The following ZNF141 variants were observed in gnomAD, a reference collection of about 807,000 sequenced individuals.
The protein encoded by ZNF141 is zinc finger protein 141 (clone pHZ-44).
A neutral mutation model predicts 11.3 loss-of-function variants in ZNF141; 7 were observed. That is an observed-to-expected ratio of 0.62 (90% CI 0.35 to 1.16). The LOEUF (loss-of-function observed/expected upper bound fraction) is 1.16, where lower values mean the gene tolerates loss of function less well. Among genes scored for constraint, ZNF141 ranks in the 50% most tolerant of loss-of-function variants. The pLI is 0.02. For missense variants in ZNF141, 535 were observed against 554.0 expected (o/e 0.97, Z 0.34); for synonymous variants, 183 against 190.7 (o/e 0.96, Z 0.33).
In ZNF141 at chr4:382,323, T is replaced by G. The variant is rs1712663589; in HGVS notation, c.*8461T>G. The stretch of plus-strand genomic sequence containing the variant: ...CCTAAATGTGGGGTCTTAGAAAACA[T>G]CTTGTCCCTTCGAAGCATACTCTGC... On this transcript the variant is annotated 3_prime_UTR_variant, in exon 4 of 4. Coordinates refer to ENST00000240499, the MANE Select transcript of ZNF141 (RefSeq NM_003441.4). 6.6e-6 allele frequency among the ~76,000 whole-genome samples: 1 copy of G among 152,108 alleles called. No individual in the cohort carries two copies. The highest frequency in any genetic ancestry group is 6.5e-5 in the Admixed American group (1 of 15,268).
Position 369,764 on chromosome 4 carries a change from A to ATTTTTTTT in ZNF141, c.227-2887_227-2880dup, listed in dbSNP as rs34509477. On this transcript the variant is annotated intron_variant, in intron 3 of 3. Transcript: ENST00000240499. ...TATATATATATATATATATATATAT[A>ATTTTTTTT]TTTTTTTTTTTTTTTTTTTTGAGAG... 9.0e-4 allele frequency among the ~76,000 whole-genome samples: 44 copies of ATTTTTTTT among 48,720 alleles called. 5 individuals carry two copies. Among genetic ancestry groups the ATTTTTTTT allele is most frequent in the African/African-American group, 7.5e-3 (44 of 5,878 alleles). 32.0% of individuals were successfully genotyped at this position (48,720 alleles called of 152,430 possible). A position where few individuals can be genotyped will look rare whatever the true frequency, so the allele number is the denominator to read the frequency against.
intron 3 of ZNF141, among the ~76,000 whole-genome samples, chr4:345,518 C>T (rs1371531808): frequency 6.6e-6 from 1 of 151,980 alleles, no homozygotes; most frequent in African/African-American, 2.4e-5. Flanking sequence ...CATCTGAGAT[C>T]GGGAGTACAA....
rs1340046751 is a variant in ZNF141, at chr4:375,857, AAG to A, written c.*1998_*1999del. Among the ~76,000 whole-genome samples, 1 of 150,318 alleles carries A rather than the reference AAG, an allele frequency of 6.7e-6. No homozygotes were observed. The highest frequency in any genetic ancestry group is 1.5e-5 in the Non-Finnish European group (1 of 67,906). ...GCATTATTTGTGAATTTTTACAAGA[AAG>A]AGTGAGGACAGAAATGAAAGATCCA... is the stretch of plus-strand genomic sequence containing the variant. On this transcript the variant is annotated 3_prime_UTR_variant, in exon 4 of 4. Coordinates refer to ENST00000240499, the MANE Select transcript of ZNF141 (RefSeq NM_003441.4).
chr4:342,548 T>G (rs1721099301), intron 1 of ZNF141, among the ~76,000 whole-genome samples: 1 of 152,202 alleles, frequency 6.6e-6, no homozygotes, highest in African/African-American at 2.4e-5. Flanking sequence ...TGGACCCTTT[T>G]CAAACCTGCA....
intron 3 of ZNF141, among the ~76,000 whole-genome samples, chr4:357,170 G>A (rs1329282549): frequency 2.0e-5 from 3 of 152,086 alleles, no homozygotes; most frequent in Non-Finnish European, 4.4e-5. Context: ...TGTTGCTCAG[G>A]CTGGTCTTGA....
chr4:338,178 T>TCCTTGTGCAGCTCTGCGCCCGCAGCCCC (rs1553847875), intron 1 of ZNF141, 192 bp downstream of exon 1: 20 of 623,062 alleles, frequency 3.2e-5, no homozygotes, highest in Non-Finnish European at 4.5e-5. Context: ...CCTGCAGCCC[T>TCCTTGTGCAGCTCTGCGCCCGCAGCCCC]CCTTGTGCAG....
In ZNF141 at chr4:373,882, A is replaced by C. The variant is rs781993611; in HGVS notation, c.*20A>C. On this transcript the variant is annotated 3_prime_UTR_variant, in exon 4 of 4. Coordinates refer to ENST00000240499, the MANE Select transcript of ZNF141 (RefSeq NM_003441.4). ...ACTTGAGAGAAATCCTACAAATGTA[A>C]AGAATGTGGCAAACCTTTGGATGAT... 6.1e-5 allele frequency: 97 copies of C among 1,579,912 alleles called. No homozygotes were observed. The highest frequency in any genetic ancestry group is 8.3e-5 in the Non-Finnish European group (96 of 1,159,302).
intron 3 of ZNF141, among the ~76,000 whole-genome samples, chr4:356,711 T>C (rs1721856715): frequency 6.6e-6 from 1 of 152,322 alleles, no homozygotes; most frequent in South Asian, 2.1e-4. Context: ...CATAGCTAAA[T>C]CTTTCTATAT....
At position 375,508 on chromosome 4, in the gene ZNF141, A is replaced by C. The variant is rs1251107424; in HGVS notation, c.*1646A>C. ...TTTAGTCTAAAAAGAAGAGTATGTA[A>C]ACATCAGAGGATTTACAGTAGAAAG... On this transcript the variant is annotated 3_prime_UTR_variant, in exon 4 of 4. Transcript: ENST00000240499. Among the ~76,000 whole-genome samples the C allele has an allele frequency of 6.6e-6, 1 of 152,122 alleles. No homozygotes were observed. Among genetic ancestry groups the C allele is most frequent in the Non-Finnish European group, 1.5e-5 (1 of 67,936 alleles).
At chr4:359,974 C>A (rs1218303541) in intron 3 of ZNF141, among the ~76,000 whole-genome samples, 1 of 152,166 alleles carries the variant, frequency 6.6e-6, no homozygotes, top group Non-Finnish European at 1.5e-5. Context: ...ATGAATCCTC[C>A]TAAGTGTCTT....
At chr4:365,156 T>C (rs782330711) in intron 3 of ZNF141, among the ~76,000 whole-genome samples, 1 of 152,156 alleles carries the variant, frequency 6.6e-6, no homozygotes, top group Non-Finnish European at 1.5e-5. Context: ...GGATATAATC[T>C]CCTGGTGTGC....
Position 380,083 on chromosome 4 carries a change from C to T in ZNF141, c.*6221C>T, listed in dbSNP as rs1010876759. On this transcript the variant is annotated 3_prime_UTR_variant, in exon 4 of 4. Transcript: ENST00000240499. Reference sequence around the variant, plus strand: ...TTGTAAATACCCAAGCATCTGGTAACCAGCATTCTACTCTCTGGCTTATTT... The same window carrying T: ...TTGTAAATACCCAAGCATCTGGTAATCAGCATTCTACTCTCTGGCTTATTT... 3.3e-5 allele frequency among the ~76,000 whole-genome samples: 5 copies of T among 152,224 alleles called. No homozygotes were observed. Among genetic ancestry groups the T allele is most frequent in the African/African-American group, 1.2e-4 (5 of 41,452 alleles).
intron 3 of ZNF141, among the ~76,000 whole-genome samples, chr4:354,307 T>C (rs114067128): frequency 6.6e-6 from 1 of 152,240 alleles, no homozygotes; most frequent in Non-Finnish European, 1.5e-5. Context: ...GAACACAGCA[T>C]GCCCAAGGTC....
intron 3 of ZNF141, among the ~76,000 whole-genome samples, chr4:350,585 A>G (rs1721549574): frequency 6.6e-6 from 1 of 152,112 alleles, no homozygotes; most frequent in Non-Finnish European, 1.5e-5. Context: ...CTATGTCCCC[A>G]TTCAAATCTC....
At chr4:349,522 G>T (rs1488226847) in intron 3 of ZNF141, among the ~76,000 whole-genome samples, 6 of 152,126 alleles carry the variant, frequency 3.9e-5, no homozygotes, top group African/African-American at 1.4e-4. Context: ...GGCCCTGGAG[G>T]CAGGCCTGCA....
chr4:365,049 T>TC (rs1316914485), intron 3 of ZNF141, among the ~76,000 whole-genome samples: 1 of 152,154 alleles, frequency 6.6e-6, no homozygotes, highest in Non-Finnish European at 1.5e-5. Flanking sequence ...TGGACGCTCC[T>TC]CCCCCTGCCA....
intron 1 of ZNF141, among the ~76,000 whole-genome samples, chr4:341,479 T>G (rs1553848447): frequency 6.6e-6 from 1 of 152,346 alleles, no homozygotes; most frequent in African/African-American, 2.4e-5. Flanking sequence ...AATATAATTG[T>G]TCTAGAGAAA....
rs149748304 is a variant in ZNF141, at chr4:378,537, G to A, written c.*4675G>A. Among the ~76,000 whole-genome samples, 1,079 of 152,110 alleles carry A rather than the reference G, an allele frequency of 7.1e-3. 11 individuals are homozygous for A. The Middle Eastern group carries it at 0.071, about 10-fold the overall frequency. Reference sequence around the variant, plus strand: ...CCTGCCTTGGCCTCCTGAAGTACTGGGATTACAGGCATGAGCCACCGTGCC... The same window carrying A: ...CCTGCCTTGGCCTCCTGAAGTACTGAGATTACAGGCATGAGCCACCGTGCC... On this transcript the variant is annotated 3_prime_UTR_variant, in exon 4 of 4. Transcript: ENST00000240499.
chr4:373,401 A>AGTAAG lies in ZNF141; in HGVS notation c.965_966insTAAGG (p.Arg322SerfsTer35). On this transcript the variant is annotated frameshift_variant, in exon 4 of 4. Coordinates refer to ENST00000240499, the MANE Select transcript of ZNF141 (RefSeq NM_003441.4). LOFTEE classifies it low-confidence loss of function (END_TRUNC). ...TGAAGAATGTGGCAAAGCCTTTAAT[A>AGTAAG]GGTCCACAACCCTTACTAAACATAA... 1 of 1,610,180 alleles carries AGTAAG rather than the reference A, an allele frequency of 6.2e-7. No homozygotes were observed. The highest frequency in any genetic ancestry group is 2.2e-5 in the East Asian group (1 of 44,680).
Sources: allele counts gnomAD v4.1 joint callset (sites outside exome capture counted in the v4.1 genomes callset), GRCh38; gene constraint gnomAD v4.1.1; transcripts MANE v1.5; gene names NCBI Gene and HGNC (gene_info 2026-07-23, HGNC 2026-07-21).